Variants in CADM2 observed in about 807,000 individuals in gnomAD.
The protein encoded by CADM2 is immunoglobulin superfamily member 4D.
A neutral mutation model predicts 49.8 loss-of-function variants in CADM2; 12 were observed. The observed-to-expected ratio is 0.24, with a 90% CI of 0.15 to 0.39. The LOEUF (loss-of-function observed/expected upper bound fraction) is 0.39. Among genes scored for constraint, CADM2 ranks in the 10% least tolerant of loss-of-function variants. CADM2 has a pLI of 1.00. For missense variants in CADM2, 378 were observed against 492.3 expected, an observed-to-expected ratio of 0.77 and a Z score of 2.20; for synonymous variants, 214 against 175.4, an observed-to-expected ratio of 1.22 and a Z score of -1.74.
intron 1 of CADM2, among the ~76,000 whole-genome samples, chr3:85,125,051 C>G (rs893217677): frequency 1.3e-5 from 2 of 152,090 alleles, no homozygotes; most frequent in Non-Finnish European, 2.9e-5. Context: ...CAGGAAGAAG[C>G]CTGTCTAAAA....
intron 8 of CADM2, among the ~76,000 whole-genome samples, chr3:86,059,916 T>A (rs1466940794): frequency 3.3e-5 from 5 of 152,130 alleles, no homozygotes; most frequent in Non-Finnish European, 5.9e-5. Context: ...ATTACTTTTT[T>A]AAAAATACAC....
At chr3:85,921,460 G>A (rs1043046408) in intron 6 of CADM2, among the ~76,000 whole-genome samples, 1 of 151,888 alleles carries the variant, frequency 6.6e-6, no homozygotes, top group Non-Finnish European at 1.5e-5. Flanking sequence ...TTACCATCAG[G>A]TCCAATAGTC....
At chr3:85,545,374 G>T (rs2061646204) in intron 1 of CADM2, among the ~76,000 whole-genome samples, 1 of 152,062 alleles carries the variant, frequency 6.6e-6, no homozygotes, top group South Asian at 2.1e-4. Flanking sequence ...AAAACACTAA[G>T]AAATAGAAAA....
intron 2 of CADM2, among the ~76,000 whole-genome samples, chr3:85,776,907 A>G (rs940515986): frequency 7.9e-5 from 12 of 152,126 alleles, no homozygotes; most frequent in African/African-American, 2.9e-4. Context: ...TAGATGTCTG[A>G]CACGCCTGAA....
At chr3:85,287,747 C>G (rs1234460857) in intron 1 of CADM2, among the ~76,000 whole-genome samples, 1 of 151,854 alleles carries the variant, frequency 6.6e-6, no homozygotes, top group East Asian at 1.9e-4. Flanking sequence ...TTTTTTTAAC[C>G]TTTTGAAAGG....
chr3:85,935,058 T>C (rs1449005925), intron 6 of CADM2, among the ~76,000 whole-genome samples: 1 of 152,126 alleles, frequency 6.6e-6, no homozygotes, highest in African/African-American at 2.4e-5. Flanking sequence ...GAATATTGTA[T>C]GTCATTCAAG....
At chr3:85,660,376 G>T (rs1248066412) in intron 1 of CADM2, among the ~76,000 whole-genome samples, 2 of 151,444 alleles carry the variant, frequency 1.3e-5, no homozygotes, top group Non-Finnish European at 2.9e-5. Context: ...CAACCTTTTA[G>T]ACTTTCTCTT....
At chr3:85,193,656 T>A (rs1157772057) in intron 1 of CADM2, among the ~76,000 whole-genome samples, 2 of 151,958 alleles carry the variant, frequency 1.3e-5, no homozygotes, top group Non-Finnish European at 2.9e-5. Context: ...CTACCCTAGG[T>A]TTTTACAGTC....
chr3:85,443,669 G>A (rs2037312242), intron 1 of CADM2, among the ~76,000 whole-genome samples: 1 of 152,038 alleles, frequency 6.6e-6, no homozygotes, highest in Non-Finnish European at 1.5e-5. Flanking sequence ...CTACCTCCAT[G>A]TCTTGACTTT....
chr3:85,011,949 C>T (rs897349091), intron 1 of CADM2, among the ~76,000 whole-genome samples: 37 of 152,052 alleles, frequency 2.4e-4, no homozygotes, highest in African/African-American at 8.0e-4. Flanking sequence ...ATGAAAATAC[C>T]GTTTATATTT....
At chr3:85,694,879 C>T (rs1284244447) in intron 1 of CADM2, among the ~76,000 whole-genome samples, 1 of 151,870 alleles carries the variant, frequency 6.6e-6, no homozygotes, top group Non-Finnish European at 1.5e-5. Flanking sequence ...GAAGAATCCC[C>T]AGAAGTTCAA....
At chr3:85,487,208 T>A (rs2039453479) in intron 1 of CADM2, among the ~76,000 whole-genome samples, 1 of 152,160 alleles carries the variant, frequency 6.6e-6, no homozygotes, top group African/African-American at 2.4e-5. Context: ...TGAACAAGTC[T>A]TTTTCCCCTT....
intron 1 of CADM2, among the ~76,000 whole-genome samples, chr3:85,441,752 T>A (rs2037211991): frequency 6.6e-6 from 1 of 151,904 alleles, no homozygotes; most frequent in South Asian, 2.1e-4. Context: ...GTGAAAGAAA[T>A]GATGTAGCTT....
At chr3:85,452,512 T>C (rs75303637) in intron 1 of CADM2, among the ~76,000 whole-genome samples, 8,923 of 152,160 alleles carry the variant, frequency 0.059, 594 homozygotes, top group African/African-American at 0.16. Flanking sequence ...TATTAATTTA[T>C]TGCATGTTTT....
intron 8 of CADM2, among the ~76,000 whole-genome samples, chr3:86,042,633 T>G (rs1394188969): frequency 6.6e-6 from 1 of 151,518 alleles, no homozygotes; most frequent in Non-Finnish European, 1.5e-5. Context: ...GATTCACAGC[T>G]GAATTCTACC....
intron 1 of CADM2, among the ~76,000 whole-genome samples, chr3:85,165,975 T>C (rs945435342): frequency 6.6e-6 from 1 of 151,768 alleles, no homozygotes; most frequent in Non-Finnish European, 1.5e-5. Flanking sequence ...CTAGTATCAT[T>C]CTATAAAGCC....
chr3:85,857,110 C>T (rs1358578237), intron 3 of CADM2, among the ~76,000 whole-genome samples: 1 of 152,134 alleles, frequency 6.6e-6, no homozygotes, highest in African/African-American at 2.4e-5. Context: ...TATATCCTCA[C>T]ATTGCACAAA....
At chr3:85,965,130 T>C (rs538618760) in intron 8 of CADM2, among the ~76,000 whole-genome samples, 6 of 151,404 alleles carry the variant, frequency 4.0e-5, no homozygotes, top group Non-Finnish European at 8.9e-5. Flanking sequence ...ATTTAGATAA[T>C]TGTGACACAA....
chr3:86,017,908 G>T (rs1732514772), intron 8 of CADM2, among the ~76,000 whole-genome samples: 1 of 142,064 alleles, frequency 7.0e-6, no homozygotes. Context: ...TTAAGTTTTA[G>T]GGTACATGTG....
Sources: allele counts gnomAD v4.1 joint callset (sites outside exome capture counted in the v4.1 genomes callset), GRCh38; gene constraint gnomAD v4.1.1; transcripts MANE v1.5; gene names NCBI Gene and HGNC (gene_info 2026-07-23, HGNC 2026-07-21).